The following MYO18A variants were observed in gnomAD, a reference collection of about 807,000 sequenced individuals.
The protein encoded by MYO18A is unconventional myosin-XVIIIa.
Under a neutral mutation model 235.8 loss-of-function variants are expected in MYO18A, and 78 were observed. The ratio of observed to expected loss-of-function variants is 0.33; its 90% CI spans 0.28 to 0.40. MYO18A has a LOEUF of 0.40. MYO18A is among the 10% of genes least tolerant of loss of function. The pLI is 1.00. For missense variants in MYO18A, 2,215 were observed against 2,699.3 expected (o/e 0.82, Z 3.98); for synonymous variants, 977 against 1,077.8 (o/e 0.91, Z 1.83).
intron 10 of MYO18A, among the ~76,000 whole-genome samples, chr17:29,116,795 G>T (rs1298879470): frequency 7.3e-6 from 1 of 136,648 alleles, no homozygotes; most frequent in African/African-American, 2.8e-5. Flanking sequence ...TGTTTGAGAA[G>T]ATCGCTGTGC....
intron 13 of MYO18A, 99 bp from the exon 14 acceptor site, chr17:29,115,198 C>T: frequency 1.4e-6 from 2 of 1,450,386 alleles, no homozygotes; most frequent in East Asian, 2.4e-5. Flanking sequence ...GCCCAGGACC[C>T]TGGTGGGGAG....
Position 29,109,886 on chromosome 17 carries a change from C to T in MYO18A, c.3303G>A (p.Leu1101=). 5 of 1,568,104 alleles carry T rather than the reference C, an allele frequency of 3.2e-6. No homozygotes were observed. The highest frequency in any genetic ancestry group is 4.3e-6 in the Non-Finnish European group (5 of 1,156,674). ...LLRTQLRGSR[L]LDAMRMYRQG... ...GGCGGTACATGCGCATGGCATCGAG[C>T]AGGCGGGAGCCGCGGAGCTGGGTGC... Residue 1101 remains leucine (L), a synonymous_variant, in exon 19 of 42, where the codon CTG becomes CTA. Coordinates refer to ENST00000527372, the MANE Select transcript of MYO18A (RefSeq NM_078471.4). The surrounding 1 kb of genome is among the most constrained non-coding windows in gnomAD (Gnocchi z 4.1).
rs1216143225 is a variant in MYO18A at position 29,097,304 on chromosome 17, G to A, written c.4149C>T (p.Asp1383=). The A allele has an allele frequency of 1.2e-6, 2 of 1,610,718 alleles. No individual in the cohort carries two copies. The highest frequency in any genetic ancestry group is 1.7e-6 in the Non-Finnish European group (2 of 1,179,852). The change falls in exon 27 of 42, where the codon GAC becomes GAT. Residue 1383 remains aspartate (D), a synonymous_variant. Transcript: ENST00000527372. ...LKYERAVREV[D]FTKKRLQQEF... is the part of the protein sequence containing the mutation. Reference sequence around the variant, plus strand: ...CCTGCTGGAGCCGTTTCTTGGTGAAGTCCACCTCCCGCACAGCCCGCTCAT... The same window carrying A: ...CCTGCTGGAGCCGTTTCTTGGTGAAATCCACCTCCCGCACAGCCCGCTCAT...
intron 2 of MYO18A, among the ~76,000 whole-genome samples, chr17:29,137,258 C>A (rs1404415475): frequency 6.6e-6 from 1 of 152,212 alleles, no homozygotes; most frequent in Non-Finnish European, 1.5e-5. Flanking sequence ...ATACTGTAGG[C>A]GCTTAATAAA....
Position 29,099,629 on chromosome 17 carries a change from A to G in MYO18A, c.3636+5T>C, listed in dbSNP as rs763924262. On this transcript the variant is annotated splice_donor_5th_base_variant and intron_variant, in intron 22 of 41. Transcript: ENST00000527372. The stretch of plus-strand genomic sequence containing the variant: ...GGAGGGGGAGGGATGTCTCTAGAGC[A>G]GCACCTTTCTCTTCTTGAAGTGCTG... The G allele has an allele frequency of 3.1e-6, 5 of 1,612,952 alleles. No homozygotes were observed. The African/African-American group carries it at 6.7e-5, about 22-fold the overall frequency.
chr17:29,109,897 C>A lies in MYO18A; in HGVS notation c.3292G>T (p.Gly1098Cys). 6.4e-7 allele frequency: 1 copy of A among 1,574,200 alleles called. No homozygotes were observed. The highest frequency in any genetic ancestry group is 1.2e-5 in the South Asian group (1 of 86,094). The change falls in exon 19 of 42, where the codon GGC becomes TGC. Residue 1098 changes from glycine (G) to cysteine (C), a missense_variant. Coordinates refer to ENST00000527372, the MANE Select transcript of MYO18A (RefSeq NM_078471.4). The surrounding 1 kb of genome is among the most constrained non-coding windows in gnomAD (Gnocchi z 4.1). ...CGCATGGCATCGAGCAGGCGGGAGC[C>A]GCGGAGCTGGGTGCGGAGCAGGGGC... Reference protein sequence around the residue: ...DVPLLRTQLRGSRLLDAMRMY... With the variant: ...DVPLLRTQLRCSRLLDAMRMY...
rs368311803 is a variant in MYO18A, at chr17:29,073,850, C to G, written c.*920G>C. ...ATCTTCAGTTTTTCTGATCACAAGTCCTCAACCCCAAGCCTTCCCTCTCAA... is the reference window on the plus strand; with the variant it reads ...ATCTTCAGTTTTTCTGATCACAAGTGCTCAACCCCAAGCCTTCCCTCTCAA... On this transcript the variant is annotated 3_prime_UTR_variant, in exon 42 of 42. Coordinates refer to ENST00000527372, the MANE Select transcript of MYO18A (RefSeq NM_078471.4). 2.0e-5 allele frequency: 31 copies of G among 1,582,406 alleles called. No individual in the cohort carries two copies. Among genetic ancestry groups the G allele is most frequent in the Non-Finnish European group, 2.5e-5 (29 of 1,157,274 alleles).
chr17:29,120,439 C>G lies in MYO18A; in HGVS notation c.1728+177G>C, dbSNP rs1195403354. Among the ~76,000 whole-genome samples, 2 of 152,226 alleles carry G rather than the reference C, an allele frequency of 1.3e-5. No homozygotes were observed. The highest frequency in any genetic ancestry group is 2.4e-5 in the African/African-American group (1 of 41,456). ...GACTGGCCCCATCCAGGGCAGGAGG[C>G]CCTGAGGGCAGAATGGTGATGCCTC... On this transcript the variant is annotated intron_variant, in intron 7 of 41. Transcript: ENST00000527372. The surrounding 1 kb of genome is among the most constrained non-coding windows in gnomAD (Gnocchi z 4.2).
chr17:29,081,922 G>A (rs1436840653), intron 41 of MYO18A, among the ~76,000 whole-genome samples: 1 of 152,186 alleles, frequency 6.6e-6, no homozygotes, highest in East Asian at 1.9e-4. Flanking sequence ...CTCTTCTGCT[G>A]CTATTCACGG....
At chr17:29,162,195 T>C (rs974864190) in intron 2 of MYO18A, among the ~76,000 whole-genome samples, 4 of 152,310 alleles carry the variant, frequency 2.6e-5, no homozygotes, top group East Asian at 1.9e-4. Flanking sequence ...CAGCCAACTT[T>C]GCTACACCCT....
intron 2 of MYO18A, chr17:29,128,455 G>C: frequency 7.8e-7 from 1 of 1,289,450 alleles, no homozygotes; most frequent in Non-Finnish European, 1.0e-6. Flanking sequence ...CAGGGCTCCT[G>C]GCTCTCTGGG....
At position 29,121,176 on chromosome 17, in the gene MYO18A, G is replaced by A; in HGVS notation, c.1407C>T (p.Asp469=). The A allele has an allele frequency of 1.2e-6, 2 of 1,609,930 alleles. No homozygotes were observed. The highest frequency in any genetic ancestry group is 1.7e-6 in the Non-Finnish European group (2 of 1,178,292). ...CCACTGCATAGATGTGGGGTGCCAT[G>A]TCCTCCCGCCGACAACCCTTGAACA... The part of the protein sequence containing the change: ...MHMFKGCRRE[D]MAPHIYAVAQ... Residue 469 remains aspartate, a synonymous_variant, in exon 6 of 42, where the codon GAC becomes GAT. Transcript: ENST00000527372. The surrounding 1 kb of genome is among the most constrained non-coding windows in gnomAD (Gnocchi z 4.2).
intron 1 of MYO18A, among the ~76,000 whole-genome samples, chr17:29,168,472 T>G (rs2068329846): frequency 6.6e-6 from 1 of 150,732 alleles, no homozygotes; most frequent in African/African-American, 2.4e-5. Flanking sequence ...AATGACATTT[T>G]TTCTCTCTCT....
At position 29,166,864 on chromosome 17, in the gene MYO18A, T is replaced by C. The variant is rs2068297456; in HGVS notation, c.77A>G (p.Glu26Gly). The stretch of plus-strand genomic sequence containing the variant: ...CCGAAGCTCTGCCGCTGACATCCGC[T>C]CCTTTTTCTCCTTTTTCTCCTTCTT... ...KEKKEKKEKK[E>G]RMSAAELRSL... The change falls in exon 2 of 42, where the codon GAG (glutamate) becomes GGG (glycine). Residue 26 changes from glutamate (E) to glycine (G), a missense_variant. By Grantham distance (98) the Glu-to-Gly change is moderately conservative (BLOSUM62 -2). Coordinates refer to ENST00000527372, the MANE Select transcript of MYO18A (RefSeq NM_078471.4). 1 of 1,552,518 alleles carries C rather than the reference T, an allele frequency of 6.4e-7. No homozygotes were observed. The highest frequency in any genetic ancestry group is 8.7e-7 in the Non-Finnish European group (1 of 1,147,640).
At chr17:29,176,925 C>T (rs545217272) in intron 1 of MYO18A, among the ~76,000 whole-genome samples, 22 of 152,324 alleles carry the variant, frequency 1.4e-4, no homozygotes, top group African/African-American at 4.6e-4. Context: ...CCGCTGCGAT[C>T]CCATCTCCCC....
At position 29,092,979 on chromosome 17, in the gene MYO18A, G is replaced by A. The variant is rs779763692; in HGVS notation, c.4949C>T (p.Ser1650Leu). Reference protein sequence around the residue: ...SDQVNRRDFESEKRLRKDLKR... With the variant: ...SDQVNRRDFELEKRLRKDLKR... Reference sequence around the variant, plus strand: ...CAGGTCCTTCCGCAGCCGCTTCTCTGACTCAAAGTCCCGCCGGTTCACCTG... The same window carrying A: ...CAGGTCCTTCCGCAGCCGCTTCTCTAACTCAAAGTCCCGCCGGTTCACCTG... Residue 1650 changes from serine (S) to leucine (L), a missense_variant, in exon 33 of 42, where the codon TCA becomes TTA. By Grantham distance (145) the Ser-to-Leu change is moderately radical. Transcript: ENST00000527372. 6.2e-7 allele frequency: 1 copy of A among 1,613,558 alleles called. No individual in the cohort carries two copies. Among genetic ancestry groups the A allele is most frequent in the Non-Finnish European group, 8.5e-7 (1 of 1,179,830 alleles).
chr17:29,103,498 TG>T (rs2066706495), intron 21 of MYO18A, 100 bp downstream of exon 21: 2 of 1,181,816 alleles, frequency 1.7e-6, no homozygotes, highest in South Asian at 1.3e-5. Flanking sequence ...ACCAGGAGAC[TG>T]GTGATGTCTG....
Position 29,087,011 on chromosome 17 carries a change from C to T in MYO18A, c.5637G>A (p.Gln1879=), listed in dbSNP as rs758777547. The change falls in exon 38 of 42, where the codon CAG becomes CAA. Residue 1879 remains glutamine, a synonymous_variant. Transcript: ENST00000527372. ...EKEQNKRLQR[Q]LRDTKEEMGE... ...CCATCTCCTCCTTGGTGTCCCGGAGCTGCCTCTGTAGCCGCTTGTTCTGTT... is the reference window on the plus strand; with the variant it reads ...CCATCTCCTCCTTGGTGTCCCGGAGTTGCCTCTGTAGCCGCTTGTTCTGTT... 3.2e-5 allele frequency: 51 copies of T among 1,613,928 alleles called. No homozygotes were observed. Among genetic ancestry groups the T allele is most frequent in the Non-Finnish European group, 3.9e-5 (46 of 1,179,910 alleles).
At chr17:29,086,336 G>A (rs1233638233) in intron 39 of MYO18A, 102 bp downstream of exon 39, 1 of 1,351,638 alleles carries the variant, frequency 7.4e-7, no homozygotes, top group Non-Finnish European at 1.0e-6. Context: ...GCTTGCTCAT[G>A]GGGAGGCAGA....
Sources: allele counts gnomAD v4.1 joint callset (sites outside exome capture counted in the v4.1 genomes callset), GRCh38; gene constraint gnomAD v4.1.1; non-coding constraint Gnocchi (gnomAD v3.1); transcripts MANE v1.5; gene names NCBI Gene and HGNC (gene_info 2026-07-23, HGNC 2026-07-21).